Variants in POT1 observed in about 807,000 individuals in gnomAD.
POT1 encodes the protein protection of telomeres protein 1.
In POT1, 47 loss-of-function variants were observed where a neutral mutation model predicts 78.5. The observed-to-expected ratio is 0.60, with a 90% CI of 0.47 to 0.76. The LOEUF is 0.76. Among genes scored for constraint, POT1 ranks in the 30% least tolerant of loss-of-function variants. The pLI is 0.00. For missense variants in POT1, 646 were observed against 749.9 expected (o/e 0.86, Z 1.62); for synonymous variants, 259 against 260.7 (o/e 0.99, Z 0.06).
At chr7:124,910,453 C>T (rs1796864671) in intron 3 of POT1, among the ~76,000 whole-genome samples, 1 of 151,792 alleles carries the variant, frequency 6.6e-6, no homozygotes, top group Non-Finnish European at 1.5e-5. Context: ...ACAGTTAATA[C>T]TTAAATGAAA....
At position 124,827,217 on chromosome 7, in the gene POT1, AT is replaced by A. The variant is rs765028767; in HGVS notation, c.1682del (p.Asp561ValfsTer14). 3.3e-6 allele frequency: 5 copies of A among 1,508,044 alleles called. No homozygotes were observed. The highest frequency in any genetic ancestry group is 4.5e-6 in the Non-Finnish European group (5 of 1,104,820). The allele number at this position is 1,508,044 out of a possible 1,614,324, so 93.4% of individuals were successfully genotyped here. ...CTTTATTACCTCTGATACTTACAGA[AT>A]CCATGAGATAGGCTTCTAGTACTCC... ...GTGVLEAYLM[D>X]SDKFFQIPAS... On this transcript the variant is annotated frameshift_variant, in exon 17 of 19. Transcript: ENST00000357628. LOFTEE classifies it high-confidence loss of function.
At chr7:124,825,379 A>G (rs775247339) in intron 17 of POT1, 22 bp from the exon 18 acceptor site, 4 of 1,374,546 alleles carry the variant, frequency 2.9e-6, no homozygotes, top group South Asian at 2.6e-5. Flanking sequence ...TTCATGAGAG[A>G]AAAAAAAAGG....
chr7:124,852,551 T>A (rs980790503), intron 10 of POT1, among the ~76,000 whole-genome samples: 1 of 152,106 alleles, frequency 6.6e-6, no homozygotes, highest in Non-Finnish European at 1.5e-5. Context: ...TAAAAGAGAG[T>A]GATACACCAA....
chr7:124,877,625 G>A (rs1394073760), intron 6 of POT1, among the ~76,000 whole-genome samples: 2 of 151,816 alleles, frequency 1.3e-5, no homozygotes, highest in African/African-American at 4.8e-5. Context: ...GAGGTCAGGA[G>A]ATCGAGACCA....
At chr7:124,866,696 T>C (rs6973812) in intron 7 of POT1, among the ~76,000 whole-genome samples, 91,398 of 152,012 alleles carry the variant, frequency 0.6, 27,610 homozygotes, top group African/African-American at 0.65. Flanking sequence ...AGAAAATGTC[T>C]ATAGGCAGGG....
chr7:124,924,764 A>G (rs1293952239), intron 2 of POT1, among the ~76,000 whole-genome samples: 1 of 152,148 alleles, frequency 6.6e-6, no homozygotes, highest in Non-Finnish European at 1.5e-5. Flanking sequence ...ATCATACACC[A>G]TGATCAAGTG....
intron 6 of POT1, among the ~76,000 whole-genome samples, chr7:124,874,446 C>A (rs1795940110): frequency 6.6e-6 from 1 of 152,006 alleles, no homozygotes; most frequent in African/African-American, 2.4e-5. Flanking sequence ...CAGAAAATTA[C>A]CAGACATTAG....
chr7:124,916,967 A>G (rs1478351482), intron 2 of POT1, among the ~76,000 whole-genome samples: 2 of 151,594 alleles, frequency 1.3e-5, no homozygotes, highest in Non-Finnish European at 2.9e-5. Context: ...TGCTGGGAGA[A>G]GGGCAAAAAA....
rs1252802881 is a variant in POT1, at chr7:124,822,765, A to T, written c.*1197T>A. 4.3e-6 allele frequency: 1 copy of T among 235,212 alleles called. No individual in the cohort carries two copies. Among genetic ancestry groups the T allele is most frequent in the Admixed American group, 4.0e-5 (1 of 24,894 alleles). 14.6% of individuals were successfully genotyped at this position (235,212 alleles called of 1,614,324 possible). A position where few individuals can be genotyped will look rare whatever the true frequency, so the allele number is the denominator to read the frequency against. ...GGACATTGGTAGTTAGGTAAAGAAG[A>T]TGTGTTAATGTACTCAGGAACTAGA... On this transcript the variant is annotated 3_prime_UTR_variant, in exon 19 of 19. Coordinates refer to ENST00000357628, the MANE Select transcript of POT1 (RefSeq NM_015450.3).
chr7:124,912,521 C>T (rs1289203330), intron 3 of POT1, among the ~76,000 whole-genome samples: 2 of 152,138 alleles, frequency 1.3e-5, no homozygotes, highest in Non-Finnish European at 2.9e-5. Context: ...CTCATGTTTA[C>T]AGTTCTGCCT....
At chr7:124,913,900 C>T (rs1411723312) in intron 3 of POT1, among the ~76,000 whole-genome samples, 3 of 151,936 alleles carry the variant, frequency 2.0e-5, no homozygotes, top group Admixed American at 2.0e-4. Context: ...CTTTGGGAGG[C>T]CGAGGTGGGT....
intron 2 of POT1, among the ~76,000 whole-genome samples, chr7:124,925,667 A>C (rs140506344): frequency 1.6e-4 from 24 of 152,292 alleles, no homozygotes; most frequent in African/African-American, 5.5e-4. Context: ...CTAATCAAAA[A>C]GAACAATGCT....
intron 4 of POT1, among the ~76,000 whole-genome samples, chr7:124,897,718 T>A (rs992086012): frequency 6.6e-6 from 1 of 151,872 alleles, no homozygotes; most frequent in Admixed American, 6.6e-5. Context: ...CCACCACCAG[T>A]GCTTATAGTA....
At chr7:124,861,467 T>C (rs1481168041) in intron 8 of POT1, among the ~76,000 whole-genome samples, 1 of 152,206 alleles carries the variant, frequency 6.6e-6, no homozygotes, top group African/African-American at 2.4e-5. Flanking sequence ...TTCTTGTAAA[T>C]TAGTTTAAGT....
chr7:124,829,158 G>A, intron 16 of POT1, 96 bp downstream of exon 16: 1 of 856,682 alleles, frequency 1.2e-6, no homozygotes, highest in South Asian at 1.4e-5. Flanking sequence ...ATACAAAGAA[G>A]GAACAGGTAT....
intron 8 of POT1, among the ~76,000 whole-genome samples, chr7:124,863,033 TA>T (rs1795634972): frequency 6.6e-6 from 1 of 152,156 alleles, no homozygotes; most frequent in Non-Finnish European, 1.5e-5. Context: ...AATATTCATG[TA>T]TAGGACTACA....
At chr7:124,920,127 A>G (rs1014960333) in intron 2 of POT1, among the ~76,000 whole-genome samples, 1 of 152,208 alleles carries the variant, frequency 6.6e-6, no homozygotes, top group Admixed American at 6.5e-5. Flanking sequence ...CTATGTTCAG[A>G]TAAAAATCTG....
chr7:124,919,671 C>G (rs1797100614), intron 2 of POT1, among the ~76,000 whole-genome samples: 2 of 152,194 alleles, frequency 1.3e-5, no homozygotes, highest in East Asian at 3.9e-4. Flanking sequence ...ATCTGCAAGC[C>G]AAGGAGAGAG....
chr7:124,901,144 G>C (rs1796609220), intron 3 of POT1, among the ~76,000 whole-genome samples: 1 of 152,182 alleles, frequency 6.6e-6, no homozygotes, highest in African/African-American at 2.4e-5. Context: ...GCTTTGAAGA[G>C]AGCAGTGGTT....
Sources: allele counts gnomAD v4.1 joint callset (sites outside exome capture counted in the v4.1 genomes callset), GRCh38; gene constraint gnomAD v4.1.1; transcripts MANE v1.5; gene names NCBI Gene and HGNC (gene_info 2026-07-23, HGNC 2026-07-21).